MTA3: variants seen among roughly 807,000 people sequenced by gnomAD.
The protein encoded by MTA3 is metastasis associated 1 family member 3.
Under a neutral mutation model 83.5 loss-of-function variants are expected in MTA3, and 34 were observed. The ratio of observed to expected loss-of-function variants is 0.41; its 90% CI spans 0.31 to 0.54. The LOEUF is 0.54. Ranked by LOEUF, MTA3 falls within the 20% of genes least tolerant of loss-of-function variation. MTA3 has a pLI of 0.33. For missense variants in MTA3, 761 were observed against 726.4 expected, an observed-to-expected ratio of 1.05 and a Z score of -0.55; for synonymous variants, 303 against 252.7, an observed-to-expected ratio of 1.20 and a Z score of -1.89.
intron 16 of MTA3, among the ~76,000 whole-genome samples, chr2:42,752,698 G>C (rs1669970413): frequency 6.6e-6 from 1 of 152,114 alleles, no homozygotes; most frequent in African/African-American, 2.4e-5. Flanking sequence ...GCTCAGATGA[G>C]ATCGTGCCTC....
intron 14 of MTA3, among the ~76,000 whole-genome samples, chr2:42,716,967 C>G (rs1240910324): frequency 6.6e-6 from 1 of 151,910 alleles, no homozygotes; most frequent in Non-Finnish European, 1.5e-5. Context: ...TTCTTTTTCT[C>G]TTCAACCTGT....
At chr2:42,669,241 C>G (rs995761894) in intron 8 of MTA3, among the ~76,000 whole-genome samples, 11 of 152,002 alleles carry the variant, frequency 7.2e-5, no homozygotes, top group African/African-American at 2.4e-4. Flanking sequence ...CCCCTGCCCC[C>G]CTGGCTAATT....
rs1189202878 is a variant in MTA3, at chr2:42,568,813, G to T, written c.28+40G>T. On this transcript the variant is annotated intron_variant, in intron 1 of 16. Coordinates refer to ENST00000405094, the MANE Select transcript of MTA3 (RefSeq NM_001330442.2). Reference sequence around the variant, plus strand: ...CCCGACCCGGCCCGTGTGGGAGCGGGTTCCGGGAGCGGGGGGCCGGGGCGA... The same window carrying T: ...CCCGACCCGGCCCGTGTGGGAGCGGTTTCCGGGAGCGGGGGGCCGGGGCGA... 2.5e-6 allele frequency: 3 copies of T among 1,214,616 alleles called. No homozygotes were observed. In the African/African-American group the frequency reaches 4.7e-5, roughly 19 times the overall value. 75.2% of individuals were successfully genotyped at this position (1,214,616 alleles called of 1,614,324 possible).
chr2:42,726,342 CTTTT>C (rs879384443), intron 16 of MTA3, among the ~76,000 whole-genome samples: 1 of 142,668 alleles, frequency 7.0e-6, no homozygotes, highest in Non-Finnish European at 1.5e-5. Context: ...ATTGCAGGTT[CTTTT>C]TTTTTTTTTA....
intron 2 of MTA3, among the ~76,000 whole-genome samples, chr2:42,527,756 G>A (rs990457070): frequency 6.6e-6 from 1 of 151,740 alleles, no homozygotes; most frequent in Non-Finnish European, 1.5e-5. Context: ...TCAAGACACT[G>A]AGGTAGGAGG....
chr2:42,580,620 T>A (rs966055487), intron 3 of MTA3, among the ~76,000 whole-genome samples: 1 of 151,580 alleles, frequency 6.6e-6, no homozygotes, highest in Admixed American at 6.6e-5. Flanking sequence ...TCTGCTGACT[T>A]CAGCCTCCCA....
At chr2:42,652,675 ATCT>A (rs1398308547) in intron 6 of MTA3, among the ~76,000 whole-genome samples, 1 of 151,974 alleles carries the variant, frequency 6.6e-6, no homozygotes, top group African/African-American at 2.4e-5. Flanking sequence ...AAATCATCTG[ATCT>A]TCTTTTGAAA....
intron 4 of MTA3, among the ~76,000 whole-genome samples, chr2:42,632,174 C>G (rs1203361541): frequency 6.8e-6 from 1 of 147,440 alleles, no homozygotes; most frequent in Non-Finnish European, 1.5e-5. Context: ...ACTGCAAGCT[C>G]TGCCTCCCAG....
At chr2:42,586,439 A>G (rs1680292668) in intron 3 of MTA3, among the ~76,000 whole-genome samples, 1 of 150,502 alleles carries the variant, frequency 6.6e-6, no homozygotes, top group Admixed American at 6.7e-5. Flanking sequence ...AAAAAAAAAA[A>G]AGGAAATTTC....
chr2:42,521,781 G>A (rs1053740044), intron 2 of MTA3, among the ~76,000 whole-genome samples: 1 of 120,618 alleles, frequency 8.3e-6, no homozygotes, highest in Non-Finnish European at 1.6e-5. Flanking sequence ...TTGAGACAGA[G>A]TCTCACTCTG....
At chr2:42,552,725 G>A (rs1469277964) in intron 2 of MTA3, among the ~76,000 whole-genome samples, 3 of 152,118 alleles carry the variant, frequency 2.0e-5, no homozygotes, top group African/African-American at 7.2e-5. Context: ...GCCGAGGTGG[G>A]CGGATCATGA....
At chr2:42,696,534 A>G (rs1573657027) in intron 10 of MTA3, among the ~76,000 whole-genome samples, 3 of 150,376 alleles carry the variant, frequency 2.0e-5, no homozygotes, top group East Asian at 3.9e-4. Context: ...TAACACAGAC[A>G]TTATTTTTCC....
chr2:42,525,803 G>C (rs565218247), intron 2 of MTA3, among the ~76,000 whole-genome samples: 1 of 150,992 alleles, frequency 6.6e-6, no homozygotes, highest in Non-Finnish European at 1.5e-5. Context: ...GACCACAGGT[G>C]CACGCCACCA....
chr2:42,562,739 G>T (rs1035731799), intron 2 of MTA3, among the ~76,000 whole-genome samples: 31 of 152,096 alleles, frequency 2.0e-4, no homozygotes, highest in African/African-American at 6.3e-4. Flanking sequence ...AGATTGGCTG[G>T]GCTCTGGGGT....
chr2:42,728,323 C>T (rs1667968452), intron 16 of MTA3, among the ~76,000 whole-genome samples: 1 of 152,148 alleles, frequency 6.6e-6, no homozygotes, highest in African/African-American at 2.4e-5. Context: ...ACCACATTTT[C>T]TTTATCAACT....
At chr2:42,751,682 C>T (rs993630975) in intron 16 of MTA3, among the ~76,000 whole-genome samples, 1 of 152,246 alleles carries the variant, frequency 6.6e-6, no homozygotes, top group South Asian at 2.1e-4. Flanking sequence ...TTTCTGAAAC[C>T]GCAGCAGGCA....
intron 2 of MTA3, among the ~76,000 whole-genome samples, chr2:42,572,155 T>C (rs1240452526): frequency 6.6e-6 from 1 of 151,952 alleles, no homozygotes; most frequent in Non-Finnish European, 1.5e-5. Context: ...GGTGTGCACC[T>C]GTAGTCTCAG....
intron 3 of MTA3, among the ~76,000 whole-genome samples, chr2:42,599,955 G>C (rs554895560): frequency 6.6e-6 from 1 of 152,220 alleles, no homozygotes; most frequent in Admixed American, 6.5e-5. Context: ...CCAGCACTTT[G>C]GGAGGCCGAG....
chr2:42,520,994 T>C (rs972598481), intron 2 of MTA3, among the ~76,000 whole-genome samples: 6 of 152,310 alleles, frequency 3.9e-5, no homozygotes, highest in African/African-American at 1.4e-4. Flanking sequence ...GGCAAACTCC[T>C]TGTTGGCATC....
Sources: gnomAD v4.1 joint callset for allele counts (sites outside exome capture counted in the v4.1 genomes callset) on GRCh38, gnomAD v4.1.1 for gene constraint, MANE v1.5 for transcripts, NCBI Gene and HGNC (gene_info 2026-07-23, HGNC 2026-07-21) for gene names.